The following ATP11A variants were observed in gnomAD, a reference collection of about 807,000 sequenced individuals.
The protein encoded by ATP11A is phospholipid-transporting ATPase IH.
Under a neutral mutation model 154.4 loss-of-function variants are expected in ATP11A, and 81 were observed. The observed-to-expected ratio is 0.52, with a 90% CI of 0.44 to 0.63. The LOEUF is 0.63. ATP11A is among the 30% of genes least tolerant of loss of function. The pLI, the probability that ATP11A is intolerant of heterozygous loss-of-function variation, is 0.00. For missense variants in ATP11A, 1,316 were observed against 1,474.3 expected, an observed-to-expected ratio of 0.89 and a Z score of 1.76; for synonymous variants, 623 against 585.9, an observed-to-expected ratio of 1.06 and a Z score of -0.91.
intron 2 of ATP11A, among the ~76,000 whole-genome samples, chr13:112,797,945 G>T (rs1240657911): frequency 1.3e-5 from 2 of 152,236 alleles, no homozygotes; most frequent in Non-Finnish European, 2.9e-5. Context: ...AGTCTGGGAA[G>T]TCCAAGATCA....
At chr13:112,772,548 A>G (rs11619807) in intron 1 of ATP11A, among the ~76,000 whole-genome samples, 2,077 of 79,870 alleles carry the variant, frequency 0.026, 22 homozygotes, top group Non-Finnish European at 0.047. Flanking sequence ...ATGAAACCCC[A>G]TGCCCAGTAC....
chr13:112,832,437 G>A (rs570481908), intron 13 of ATP11A, among the ~76,000 whole-genome samples: 10 of 152,338 alleles, frequency 6.6e-5, no homozygotes, highest in African/African-American at 1.4e-4. Context: ...TCTAACACAC[G>A]CTTTGGTTAG....
intron 4 of ATP11A, among the ~76,000 whole-genome samples, chr13:112,806,941 T>C (rs1458420304): frequency 6.6e-6 from 1 of 152,236 alleles, no homozygotes; most frequent in Non-Finnish European, 1.5e-5. Flanking sequence ...TCAAGGTTTC[T>C]CTGCATCTGA....
At chr13:112,719,062 G>A (rs1888841394) in intron 1 of ATP11A, among the ~76,000 whole-genome samples, 1 of 152,184 alleles carries the variant, frequency 6.6e-6, no homozygotes, top group South Asian at 2.1e-4. Context: ...GATGCTGAAA[G>A]TCCGGCTTAT....
At chr13:112,802,303 G>A (rs1038580517) in intron 2 of ATP11A, among the ~76,000 whole-genome samples, 11 of 151,924 alleles carry the variant, frequency 7.2e-5, no homozygotes, top group South Asian at 2.1e-4. Context: ...CCGAGATCGC[G>A]CCACTGCACT....
chr13:112,817,373 C>T (rs141054677), intron 6 of ATP11A, among the ~76,000 whole-genome samples: 1 of 152,074 alleles, frequency 6.6e-6, no homozygotes, highest in Non-Finnish European at 1.5e-5. Context: ...GATGAAAAAC[C>T]TATGGATCTT....
intron 5 of ATP11A, 109 bp from the exon 6 acceptor site, chr13:112,815,974 C>G (rs1010167173): frequency 1.4e-6 from 2 of 1,464,502 alleles, no homozygotes; most frequent in East Asian, 2.3e-5. Context: ...TCCACATCCC[C>G]GTGTCTTCCT....
At position 112,787,376 on chromosome 13, in the gene ATP11A, A is replaced by G. The variant is rs2077668839; in HGVS notation, c.162+2119A>G. On this transcript the variant is annotated intron_variant, in intron 2 of 29. Coordinates refer to ENST00000375645, the MANE Select transcript of ATP11A (RefSeq NM_015205.3). ...TGTCCTGATGCGTAGACTCCTGTGGAGACCTACTTAATCCACACCAGTGTC... is the reference window on the plus strand; with the variant it reads ...TGTCCTGATGCGTAGACTCCTGTGGGGACCTACTTAATCCACACCAGTGTC... Among the ~76,000 whole-genome samples the G allele has an allele frequency of 1.5e-5, 2 of 131,976 alleles. 1 individual carries two copies. The highest frequency in any genetic ancestry group is 7.4e-5 in the African/African-American group (2 of 26,890). 86.6% of individuals were successfully genotyped at this position (131,976 alleles called of 152,430 possible).
At chr13:112,784,843 C>T (rs1001947239) in intron 1 of ATP11A, among the ~76,000 whole-genome samples, 5 of 152,208 alleles carry the variant, frequency 3.3e-5, no homozygotes, top group Non-Finnish European at 7.3e-5. Flanking sequence ...CTTATGTACA[C>T]GCCCTGAGCT....
chr13:112,693,797 C>T (rs564769350), intron 1 of ATP11A, among the ~76,000 whole-genome samples: 22 of 152,186 alleles, frequency 1.4e-4, no homozygotes, highest in Non-Finnish European at 2.5e-4. Flanking sequence ...ACTAAAAATA[C>T]AAAAATTAGC....
chr13:112,788,848 T>C (rs1033421846), intron 2 of ATP11A, among the ~76,000 whole-genome samples: 1 of 151,694 alleles, frequency 6.6e-6, no homozygotes, highest in Non-Finnish European at 1.5e-5. Flanking sequence ...TGTGGCGACC[T>C]ACTTAATTCA....
chr13:112,778,060 TC>T (rs142566367), intron 1 of ATP11A, among the ~76,000 whole-genome samples: 2,589 of 152,378 alleles, frequency 0.017, 37 homozygotes, highest in Non-Finnish European at 0.025. Context: ...TCCTTCCTGT[TC>T]CTTCTTCTAC....
intron 1 of ATP11A, among the ~76,000 whole-genome samples, chr13:112,779,174 CGAGTAGCCGCTGGAGTGAG>C (rs2077432019): frequency 1.1e-5 from 1 of 93,304 alleles, no homozygotes; most frequent in Non-Finnish European, 2.0e-5. Context: ...CACTGGAGTA[CGAGTAGCCGCTGGAGTGAG>C]GAGTAGCCAC....
At chr13:112,799,118 C>A (rs952408264) in intron 2 of ATP11A, among the ~76,000 whole-genome samples, 1 of 152,198 alleles carries the variant, frequency 6.6e-6, no homozygotes, top group Non-Finnish European at 1.5e-5. Context: ...CATAACAATT[C>A]TCAAAGTCTC....
At chr13:112,787,912 T>C (rs12869259) in intron 2 of ATP11A, among the ~76,000 whole-genome samples, 3 of 129,678 alleles carry the variant, frequency 2.3e-5, no homozygotes, top group East Asian at 2.5e-4. Flanking sequence ...GTGTAGACCC[T>C]TGCGGAGACC....
At chr13:112,695,396 G>A (rs1031536353) in intron 1 of ATP11A, among the ~76,000 whole-genome samples, 17 of 152,178 alleles carry the variant, frequency 1.1e-4, no homozygotes, top group African/African-American at 3.4e-4. Flanking sequence ...TCAGGGCCTC[G>A]TGTCTTCCAC....
chr13:112,743,670 A>C (rs978523707), intron 1 of ATP11A, among the ~76,000 whole-genome samples: 1 of 152,204 alleles, frequency 6.6e-6, no homozygotes, highest in Non-Finnish European at 1.5e-5. Flanking sequence ...CAGCATAGGC[A>C]GGTGTTGTAG....
intron 1 of ATP11A, among the ~76,000 whole-genome samples, chr13:112,736,048 C>A (rs1890973856): frequency 6.6e-6 from 1 of 152,160 alleles, no homozygotes; most frequent in African/African-American, 2.4e-5. Context: ...TTTGTGTTCG[C>A]GTGCCCAGAG....
chr13:112,748,184 T>C (rs1054961513), intron 1 of ATP11A, among the ~76,000 whole-genome samples: 1 of 152,192 alleles, frequency 6.6e-6, no homozygotes, highest in African/African-American at 2.4e-5. Flanking sequence ...TGTCCCAAAA[T>C]CCAAAGCACA....
Sources: allele counts gnomAD v4.1 joint callset (sites outside exome capture counted in the v4.1 genomes callset), GRCh38; gene constraint gnomAD v4.1.1; transcripts MANE v1.5; gene names NCBI Gene and HGNC (gene_info 2026-07-23, HGNC 2026-07-21).